SUPT3H: variants seen among roughly 807,000 people sequenced by gnomAD.
The protein encoded by SUPT3H is transcription initiation protein SPT3 homolog.
A neutral mutation model predicts 44.3 loss-of-function variants in SUPT3H; 44 were observed. The ratio of observed to expected loss-of-function variants is 0.99; its 90% CI spans 0.78 to 1.28. The LOEUF is 1.28. Ranked by LOEUF, SUPT3H falls within the 50% of genes most tolerant of loss-of-function variation. SUPT3H has a pLI of 0.00. For missense variants in SUPT3H, 380 were observed against 387.1 expected (o/e 0.98, Z 0.15); for synonymous variants, 124 against 125.6 (o/e 0.99, Z 0.09).
chr6:44,977,107 A>G (rs1778444265), intron 6 of SUPT3H, among the ~76,000 whole-genome samples: 1 of 152,266 alleles, frequency 6.6e-6, no homozygotes, highest in African/African-American at 2.4e-5. Context: ...AAAGAAGGCA[A>G]GCCACAGAGG....
intron 10 of SUPT3H, among the ~76,000 whole-genome samples, chr6:44,932,444 AAAT>A (rs1342076468): frequency 4.6e-5 from 7 of 152,212 alleles, no homozygotes; most frequent in Non-Finnish European, 1.5e-5. Context: ...AATTGAAAGA[AAAT>A]AATATTTTGT....
chr6:44,890,508 AAC>A (rs1419130383), intron 10 of SUPT3H, among the ~76,000 whole-genome samples: 1 of 151,304 alleles, frequency 6.6e-6, no homozygotes, highest in African/African-American at 2.4e-5. Flanking sequence ...CTATCGCCAG[AAC>A]AAAAAACCAG....
At chr6:45,266,828 T>C (rs1775339711) in intron 2 of SUPT3H, among the ~76,000 whole-genome samples, 1 of 152,112 alleles carries the variant, frequency 6.6e-6, no homozygotes, top group Admixed American at 6.6e-5. Context: ...ATTCAATAAA[T>C]GAGTACAGCT....
At chr6:44,846,876 C>T (rs1304825561) in intron 10 of SUPT3H, among the ~76,000 whole-genome samples, 3 of 152,128 alleles carry the variant, frequency 2.0e-5, no homozygotes, top group African/African-American at 7.2e-5. Flanking sequence ...GTGATCTCTC[C>T]GCCTTAGCCT....
At chr6:45,328,203 A>G (rs1362867885) in intron 2 of SUPT3H, 5 of 1,110,118 alleles carry the variant, frequency 4.5e-6, no homozygotes, top group African/African-American at 1.6e-5. Context: ...CCACAGTGGT[A>G]GGCAGTCCCA....
rs1198326385 is a variant in SUPT3H, at chr6:44,901,033, A to G, written c.912+31620T>C. On this transcript the variant is annotated intron_variant, in intron 10 of 10. Coordinates refer to ENST00000371459, the MANE Select transcript of SUPT3H (RefSeq NM_003599.4). ...AAAACCCCATCTATACGTGACCATCATCAAAGACCAAAGGTAGATAAAACC... is the reference window on the plus strand; with the variant it reads ...AAAACCCCATCTATACGTGACCATCGTCAAAGACCAAAGGTAGATAAAACC... Among the ~76,000 whole-genome samples the G allele has an allele frequency of 2.6e-5, 4 of 152,326 alleles. No individual in the cohort carries two copies. The East Asian group carries it at 7.7e-4, about 29-fold the overall frequency.
chr6:45,234,909 A>AAG (rs1390424749), intron 2 of SUPT3H, among the ~76,000 whole-genome samples: 1 of 152,210 alleles, frequency 6.6e-6, no homozygotes, highest in Non-Finnish European at 1.5e-5. Context: ...ATAGTTTAAC[A>AAG]AGATACAAAA....
At chr6:44,899,467 C>A (rs972560178) in intron 10 of SUPT3H, among the ~76,000 whole-genome samples, 3 of 152,092 alleles carry the variant, frequency 2.0e-5, no homozygotes, top group Non-Finnish European at 4.4e-5. Context: ...GTGGGCAGAT[C>A]ACGAGGTCAG....
intron 6 of SUPT3H, among the ~76,000 whole-genome samples, chr6:44,976,883 A>T (rs1778412341): frequency 1.3e-5 from 2 of 152,198 alleles, no homozygotes; most frequent in Non-Finnish European, 2.9e-5. Flanking sequence ...AAGAATGCAG[A>T]AGAGCAAAAT....
intron 5 of SUPT3H, among the ~76,000 whole-genome samples, chr6:45,008,769 C>A (rs1783066660): frequency 6.6e-6 from 1 of 150,714 alleles, no homozygotes. Flanking sequence ...GAGATGGAAT[C>A]TCCCTCTATT....
rs181163540 is a variant in SUPT3H at position 45,169,940 on chromosome 6, T to C, written c.102-63934A>G. 5.9e-5 allele frequency among the ~76,000 whole-genome samples: 9 copies of C among 152,310 alleles called. No homozygotes were observed. In the East Asian group the frequency reaches 7.7e-4, roughly 13 times the overall value. ...ATAAAGAAGATGCTAAATAAAATTA[T>C]TTACTTTTGAGTCTGGCAGCTCAAA... On this transcript the variant is annotated intron_variant, in intron 2 of 10. Coordinates refer to ENST00000371459, the MANE Select transcript of SUPT3H (RefSeq NM_003599.4).
intron 10 of SUPT3H, among the ~76,000 whole-genome samples, chr6:44,848,401 A>T (rs928267988): frequency 1.2e-4 from 18 of 152,202 alleles, no homozygotes; most frequent in Non-Finnish European, 1.8e-4. Flanking sequence ...CACTGGCACC[A>T]ATTAATTTCT....
chr6:44,949,962 G>A (rs1774024714), intron 9 of SUPT3H, among the ~76,000 whole-genome samples: 1 of 152,174 alleles, frequency 6.6e-6, no homozygotes, highest in African/African-American at 2.4e-5. Flanking sequence ...AAAAGCATTT[G>A]TCCTTCCAGA....
At chr6:45,014,718 T>A (rs1473382109) in intron 5 of SUPT3H, 83 bp downstream of exon 5, 14 of 902,376 alleles carry the variant, frequency 1.6e-5, no homozygotes, top group Non-Finnish European at 2.1e-5. Flanking sequence ...AGTTCTCCAG[T>A]TACATTGGAA....
chr6:44,955,682 C>A (rs1374344450), intron 7 of SUPT3H, among the ~76,000 whole-genome samples: 1 of 151,900 alleles, frequency 6.6e-6, no homozygotes, highest in Non-Finnish European at 1.5e-5. Flanking sequence ...ACTATGAGGA[C>A]GCAAAGGCAT....
At chr6:44,817,770 T>G (rs2153404620) in intron 11 of SUPT3H, among the ~76,000 whole-genome samples, 1 of 152,242 alleles carries the variant, frequency 6.6e-6, no homozygotes, top group Non-Finnish European at 1.5e-5. Flanking sequence ...TGCACGAACC[T>G]AATAAAATAT....
chr6:44,858,924 T>A (rs1010520082), intron 10 of SUPT3H, among the ~76,000 whole-genome samples: 2 of 152,224 alleles, frequency 1.3e-5, no homozygotes, highest in South Asian at 4.2e-4. Flanking sequence ...TTCTAACTCA[T>A]CCAGGATGAC....
intron 2 of SUPT3H, among the ~76,000 whole-genome samples, chr6:45,214,690 T>G (rs548726234): frequency 4.6e-5 from 7 of 152,064 alleles, no homozygotes; most frequent in Non-Finnish European, 8.8e-5. Flanking sequence ...CTAAAATAAT[T>G]TATTTCATGT....
chr6:44,986,122 C>G (rs1779756078), intron 6 of SUPT3H, among the ~76,000 whole-genome samples: 3 of 152,020 alleles, frequency 2.0e-5, no homozygotes, highest in Non-Finnish European at 2.9e-5. Flanking sequence ...AATTAGGGAG[C>G]CTAGCAACTA....
Sources: gnomAD v4.1 joint callset for allele counts (sites outside exome capture counted in the v4.1 genomes callset) on GRCh38, gnomAD v4.1.1 for gene constraint, MANE v1.5 for transcripts, NCBI Gene and HGNC (gene_info 2026-07-23, HGNC 2026-07-21) for gene names.